CNBD1: variants seen among roughly 807,000 people sequenced by gnomAD.
CNBD1 encodes the protein cyclic nucleotide-binding domain-containing protein 1.
In CNBD1, 71 loss-of-function variants were observed where a neutral mutation model predicts 54.4. The observed-to-expected ratio is 1.30, with a 90% CI of 1.08 to 1.59. CNBD1 has a LOEUF of 1.59. CNBD1 is among the 40% of genes most tolerant of loss of function. CNBD1 has a pLI of 0.00. For synonymous variants in CNBD1, 182 were observed against 170.7 expected (o/e 1.07, Z -0.51); for missense variants, 659 against 518.0 (o/e 1.27, Z -2.64).
At chr8:87,288,739 CTG>C (rs1808737743) in intron 8 of CNBD1, among the ~76,000 whole-genome samples, 2 of 152,042 alleles carry the variant, frequency 1.3e-5, no homozygotes, top group African/African-American at 4.8e-5. Context: ...ATTGGACAAT[CTG>C]TGAGTCTATT....
At chr8:87,276,496 G>A (rs1432641261) in intron 6 of CNBD1, among the ~76,000 whole-genome samples, 1 of 151,754 alleles carries the variant, frequency 6.6e-6, no homozygotes, top group Non-Finnish European at 1.5e-5. Flanking sequence ...GTTGATAAGG[G>A]CAAGCAAGAA....
At chr8:87,334,242 TTTA>T (rs1228266066) in intron 8 of CNBD1, among the ~76,000 whole-genome samples, 1 of 152,118 alleles carries the variant, frequency 6.6e-6, no homozygotes, top group East Asian at 1.9e-4. Context: ...TTTATCAATT[TTTA>T]TTGTGTCTAT....
intron 3 of CNBD1, among the ~76,000 whole-genome samples, chr8:86,932,369 G>T (rs1020509362): frequency 2.0e-5 from 3 of 152,130 alleles, no homozygotes; most frequent in African/African-American, 2.4e-5. Context: ...AGCCCAGGGG[G>T]TTTTTTGGTC....
intron 4 of CNBD1, among the ~76,000 whole-genome samples, chr8:86,948,245 A>G (rs1807517261): frequency 6.6e-6 from 1 of 152,144 alleles, no homozygotes; most frequent in African/African-American, 2.4e-5. Context: ...TCTCTTCAAT[A>G]TACTGATTTC....
At chr8:87,124,632 G>A (rs1391046625) in intron 4 of CNBD1, among the ~76,000 whole-genome samples, 1 of 151,620 alleles carries the variant, frequency 6.6e-6, no homozygotes, top group Non-Finnish European at 1.5e-5. Flanking sequence ...CAACAGCTTA[G>A]ATATAGAGGG....
intron 3 of CNBD1, among the ~76,000 whole-genome samples, chr8:86,938,422 A>G (rs1185817683): frequency 6.6e-6 from 1 of 152,132 alleles, no homozygotes; most frequent in Non-Finnish European, 1.5e-5. Context: ...CTGTTCTTAC[A>G]CTGCTAATAA....
intron 4 of CNBD1, chr8:87,044,610 T>C (rs1810143025): frequency 6.6e-6 from 1 of 152,202 alleles, no homozygotes; most frequent in South Asian, 2.1e-4. Flanking sequence ...ACTTTTCTTA[T>C]GTGAAAAGCT....
chr8:87,276,229 T>C (rs149132529), intron 6 of CNBD1, among the ~76,000 whole-genome samples: 1 of 152,032 alleles, frequency 6.6e-6, no homozygotes, highest in East Asian at 1.9e-4. Flanking sequence ...GAAATTATTT[T>C]TCCTTGGATG....
intron 2 of CNBD1, among the ~76,000 whole-genome samples, chr8:86,890,019 A>G (rs1446385806): frequency 6.6e-6 from 1 of 152,086 alleles, no homozygotes; most frequent in Non-Finnish European, 1.5e-5. Flanking sequence ...GTGATAAAAT[A>G]TGTTTTTGTA....
rs372922343 is a variant in CNBD1, at chr8:87,308,403, C to T, written c.1042+21732C>T. On this transcript the variant is annotated intron_variant, in intron 8 of 10. Coordinates refer to ENST00000518476, the MANE Select transcript of CNBD1 (RefSeq NM_173538.3). ...CAGCTCTCAGAATTAGTTAATAGGACTGTCTCCATTTGAGCTTGGATATGC... is the reference window on the plus strand; with the variant it reads ...CAGCTCTCAGAATTAGTTAATAGGATTGTCTCCATTTGAGCTTGGATATGC... Among the ~76,000 whole-genome samples, 22 of 152,250 alleles carry T rather than the reference C, an allele frequency of 1.4e-4. No homozygotes were observed. In the South Asian group the frequency reaches 4.6e-3, roughly 32 times the overall value.
intron 3 of CNBD1, among the ~76,000 whole-genome samples, chr8:86,926,779 C>T (rs904234865): frequency 2.6e-5 from 4 of 152,154 alleles, no homozygotes; most frequent in African/African-American, 9.7e-5. Context: ...TAAGGACAGA[C>T]CCTGTCATTT....
chr8:86,974,345 C>T (rs542321947), intron 4 of CNBD1, among the ~76,000 whole-genome samples: 36 of 152,058 alleles, frequency 2.4e-4, no homozygotes, highest in African/African-American at 8.2e-4. Context: ...ACAACATTAC[C>T]TAATGTAGAT....
chr8:87,407,374 G>C (rs917108832), intron 2 of CNBD1, among the ~76,000 whole-genome samples: 1 of 151,620 alleles, frequency 6.6e-6, no homozygotes, highest in African/African-American at 2.4e-5. Context: ...ATACCCTTTT[G>C]TACGAACATA....
chr8:87,386,469 A>C (rs1327297516), downstream of CNBD1, among the ~76,000 whole-genome samples: 1 of 152,224 alleles, frequency 6.6e-6, no homozygotes, highest in Non-Finnish European at 1.5e-5. Flanking sequence ...TGACGAATAC[A>C]CAAGCCTCAG....
intron 4 of CNBD1, among the ~76,000 whole-genome samples, chr8:87,069,199 G>A (rs1019120171): frequency 6.6e-6 from 1 of 151,888 alleles, no homozygotes; most frequent in African/African-American, 2.4e-5. Flanking sequence ...TCATTTATCT[G>A]TTATTGTTAC....
intron 4 of CNBD1, among the ~76,000 whole-genome samples, chr8:87,007,919 C>T (rs752331695): frequency 8.6e-5 from 13 of 152,002 alleles, no homozygotes; most frequent in Admixed American, 7.9e-4. Flanking sequence ...ACTCCAAAAA[C>T]GTAATTCATG....
At chr8:87,370,580 T>A (rs1471609038) in intron 10 of CNBD1, among the ~76,000 whole-genome samples, 18 of 152,118 alleles carry the variant, frequency 1.2e-4, no homozygotes, top group Admixed American at 8.5e-4. Flanking sequence ...GGTTGTTTGT[T>A]TTTTTCTTGT....
chr8:87,206,273 T>G, intron 5 of CNBD1, 135 bp downstream of exon 5: 1 of 667,346 alleles, frequency 1.5e-6, no homozygotes, highest in Non-Finnish European at 2.3e-6. Flanking sequence ...TTGGGTGTGT[T>G]TCATTTGTAA....
At chr8:87,095,879 C>T (rs542277441) in intron 4 of CNBD1, among the ~76,000 whole-genome samples, 3 of 152,230 alleles carry the variant, frequency 2.0e-5, no homozygotes, top group South Asian at 2.1e-4. Context: ...AGGATGGTCT[C>T]GATCTCCTGA....
Sources: allele counts gnomAD v4.1 joint callset (sites outside exome capture counted in the v4.1 genomes callset), GRCh38; gene constraint gnomAD v4.1.1; transcripts MANE v1.5; gene names NCBI Gene and HGNC (gene_info 2026-07-23, HGNC 2026-07-21).